The following INSR variants were observed in gnomAD, a reference collection of about 807,000 sequenced individuals.
INSR encodes the protein IR.
A neutral mutation model predicts 142.6 loss-of-function variants in INSR; 67 were observed. The ratio of observed to expected loss-of-function variants is 0.47; its 90% CI spans 0.39 to 0.58. The LOEUF (loss-of-function observed/expected upper bound fraction) is 0.58, where lower values mean the gene tolerates loss of function less well. Among genes scored for constraint, INSR ranks in the 20% least tolerant of loss-of-function variants. INSR has a pLI of 0.00. For synonymous variants in INSR, 756 were observed against 743.1 expected (o/e 1.02, Z -0.28); for missense variants, 1,248 against 1,833.2 (o/e 0.68, Z 5.83).
chr19:7,244,886 A>G (rs1351058904), intron 2 of INSR, among the ~76,000 whole-genome samples: 4 of 142,438 alleles, frequency 2.8e-5, no homozygotes, highest in Non-Finnish European at 6.2e-5. Context: ...TTTTAATTAA[A>G]TTTTTAAATC....
chr19:7,153,017 A>ACACACAC lies in INSR; in HGVS notation c.2030-97_2030-91dup, dbSNP rs1415788529. The ACACACAC allele has an allele frequency of 1.3e-3, 673 of 501,218 alleles. 18 individuals carry two copies. Among genetic ancestry groups the ACACACAC allele is most frequent in the African/African-American group, 0.013 (203 of 15,690 alleles). The allele number at this position is 501,218 out of a possible 1,614,324, so 31.0% of individuals were successfully genotyped here. A position where few individuals can be genotyped will look rare whatever the true frequency, so the allele number is the denominator to read the frequency against. ...CACACCCCACACACACACACACCACACACACACACCACACACACACACACC... is the reference window on the plus strand; with the variant it reads ...CACACCCCACACACACACACACCACACACACACCACACACACCACACACACACACACC... On this transcript the variant is annotated intron_variant, in intron 9 of 21. Transcript: ENST00000302850.
At chr19:7,129,909 T>G (rs536304062) in intron 14 of INSR, among the ~76,000 whole-genome samples, 1 of 152,234 alleles carries the variant, frequency 6.6e-6, no homozygotes, top group Admixed American at 6.5e-5. Flanking sequence ...GGCTAATTTT[T>G]GTATTTTTTT....
At chr19:7,280,316 C>T (rs538647049) in intron 1 of INSR, among the ~76,000 whole-genome samples, 6 of 152,102 alleles carry the variant, frequency 3.9e-5, no homozygotes, top group South Asian at 2.1e-4. Context: ...CGGTTGCTCA[C>T]GCCTGTAATT....
chr19:7,293,609 G>A (rs1015800480), intron 1 of INSR, among the ~76,000 whole-genome samples, 183 bp downstream of exon 1: 1 of 152,190 alleles, frequency 6.6e-6, no homozygotes, highest in Non-Finnish European at 1.5e-5. Context: ...GAGCCCGGGC[G>A]GGCAAAGGCC....
intron 3 of INSR, among the ~76,000 whole-genome samples, chr19:7,178,251 G>T: frequency 1.5e-5 from 2 of 131,874 alleles, no homozygotes; most frequent in South Asian, 2.9e-4. Flanking sequence ...TGTGGGGGGG[G>T]GGGTGCCTAG....
intron 13 of INSR, among the ~76,000 whole-genome samples, chr19:7,134,494 C>T (rs994031789): frequency 3.3e-5 from 5 of 151,462 alleles, no homozygotes; most frequent in African/African-American, 9.7e-5. Flanking sequence ...AGCCCGGGCA[C>T]GGTGGCTCAT....
chr19:7,286,003 C>T (rs1198690874), intron 1 of INSR, among the ~76,000 whole-genome samples: 4 of 152,112 alleles, frequency 2.6e-5, no homozygotes, highest in Non-Finnish European at 5.9e-5. Context: ...GTTGTTGTTA[C>T]ACAGTCTCAC....
rs1188187072 is a variant in INSR, at chr19:7,174,673, C to G, written c.1033G>C (p.Glu345Gln). 1.9e-6 allele frequency: 3 copies of G among 1,613,922 alleles called. No homozygotes were observed. The highest frequency in any genetic ancestry group is 2.5e-6 in the Non-Finnish European group (3 of 1,179,952). The change falls in exon 4 of 22, where the codon GAG becomes CAG. Residue 345 changes from glutamate (E) to glutamine (Q), a missense_variant. Around this residue, in one of 3 missense-constraint regions of INSR, gnomAD observed 1,069 missense variants for 1,654.0 expected, o/e 0.65. Coordinates refer to ENST00000302850, the MANE Select transcript of INSR (RefSeq NM_000208.4). ...CPKVCHLLEG[E>Q]KTIDSVTSAQ... Reference sequence around the variant, plus strand: ...GACGTCACCGAGTCGATGGTCTTCTCGCCTTCTAGGAGGTGGCACACCTTG... The same window carrying G: ...GACGTCACCGAGTCGATGGTCTTCTGGCCTTCTAGGAGGTGGCACACCTTG...
chr19:7,255,276 AG>A (rs1976853410), intron 2 of INSR, among the ~76,000 whole-genome samples: 1 of 152,086 alleles, frequency 6.6e-6, no homozygotes, highest in African/African-American at 2.4e-5. Flanking sequence ...CGCAACAAAA[AG>A]CCTGGCTCAG....
At position 7,163,143 on chromosome 19, in the gene INSR, G is replaced by A. The variant is rs2963; in HGVS notation, c.1918C>T (p.Leu640=). 0.093 allele frequency: 150,263 copies of A among 1,611,114 alleles called. 9,582 individuals carry two copies. The highest frequency in any genetic ancestry group is 0.25 in the African/African-American group (18,396 of 74,812). Residue 640 remains leucine, a synonymous_variant, in exon 9 of 22, where the codon CTG becomes TTG. Transcript: ENST00000302850. ...GGGTCGGAGGGTGGTTTCCACTTCA[G>A]AATAATCTGGGATGATGAGTTAGAC... ...SVSNSSSQII[L]KWKPPSDPNG...
intron 5 of INSR, among the ~76,000 whole-genome samples, chr19:7,172,082 T>C (rs1219812012): frequency 6.6e-6 from 1 of 152,014 alleles, no homozygotes; most frequent in Non-Finnish European, 1.5e-5. Flanking sequence ...TGGCTAATTT[T>C]TGTACTTTTA....
intron 2 of INSR, among the ~76,000 whole-genome samples, chr19:7,198,690 A>G (rs992459575): frequency 6.6e-6 from 1 of 151,996 alleles, no homozygotes; most frequent in Admixed American, 6.6e-5. Context: ...TGCACCCTCT[A>G]TTCTCACCCA....
intron 2 of INSR, among the ~76,000 whole-genome samples, chr19:7,212,376 C>T (rs745547627): frequency 6.6e-6 from 1 of 152,142 alleles, no homozygotes; most frequent in Non-Finnish European, 1.5e-5. Flanking sequence ...CCATCATCCC[C>T]GGGACCCAAG....
At chr19:7,174,501 G>T in intron 4 of INSR, 82 bp downstream of exon 4, 1 of 1,494,584 alleles carries the variant, frequency 6.7e-7, no homozygotes, top group Non-Finnish European at 9.3e-7. Flanking sequence ...AGCAGGGTCT[G>T]CACTGCTTTT....
chr19:7,131,564 T>C (rs1972781581), intron 14 of INSR, among the ~76,000 whole-genome samples: 2 of 149,372 alleles, frequency 1.3e-5, no homozygotes, highest in East Asian at 2.1e-4. Context: ...GCCAGGATGG[T>C]CTCGATCTCC....
intron 2 of INSR, among the ~76,000 whole-genome samples, chr19:7,184,904 C>T (rs1385308373): frequency 6.6e-6 from 1 of 152,078 alleles, no homozygotes; most frequent in African/African-American, 2.4e-5. Flanking sequence ...CCCAGGGAGG[C>T]CCAGATTTAT....
chr19:7,152,712 C>A lies in INSR; in HGVS notation c.2231+14G>T. ...ATTGGCACCCACTAAGAGAGCCCAG[C>A]GCCAAGTCCTGACCTGGGGACGAAA... is the stretch of plus-strand genomic sequence containing the variant. On this transcript the variant is annotated intron_variant, in intron 10 of 21. Coordinates refer to ENST00000302850, the MANE Select transcript of INSR (RefSeq NM_000208.4). 1.2e-6 allele frequency: 2 copies of A among 1,607,982 alleles called. No individual in the cohort carries two copies. Among genetic ancestry groups the A allele is most frequent in the Non-Finnish European group, 1.7e-6 (2 of 1,176,032 alleles).
intron 1 of INSR, among the ~76,000 whole-genome samples, chr19:7,273,006 A>C (rs1313385379): frequency 6.6e-6 from 1 of 152,172 alleles, no homozygotes; most frequent in Non-Finnish European, 1.5e-5. Flanking sequence ...GGGGGATGGA[A>C]AGTAGTAGCT....
Position 7,267,976 on chromosome 19 carries a change from G to A in INSR, c.101-80C>T, listed in dbSNP as rs1465413016. On this transcript the variant is annotated intron_variant, in intron 1 of 21. Coordinates refer to ENST00000302850, the MANE Select transcript of INSR (RefSeq NM_000208.4). This position sits in a 1 kb window ranked among gnomAD's most constrained non-coding sequence, Gnocchi z 6.3. The stretch of plus-strand genomic sequence containing the variant: ...CATCAGAAGGATCAGGGGCAGAGCC[G>A]GCTTCATGGACAGGAAACCTGGGCC... 4.9e-6 allele frequency: 6 copies of A among 1,235,204 alleles called. No homozygotes were observed. Among genetic ancestry groups the A allele is most frequent in the Non-Finnish European group, 7.0e-6 (6 of 857,492 alleles). 76.5% of individuals were successfully genotyped at this position (1,235,204 alleles called of 1,614,324 possible). A position where few individuals can be genotyped will look rare whatever the true frequency, so the allele number is the denominator to read the frequency against.
Sources: allele counts gnomAD v4.1 joint callset (sites outside exome capture counted in the v4.1 genomes callset), GRCh38; gene constraint gnomAD v4.1.1; regional missense constraint gnomAD v4.1.1; non-coding constraint Gnocchi (gnomAD v3.1); transcripts MANE v1.5; gene names NCBI Gene and HGNC (gene_info 2026-07-23, HGNC 2026-07-21).